Variants in DPY19L1 observed in about 807,000 individuals in gnomAD.
DPY19L1 encodes the protein dpy-19 like C-mannosyltransferase 1.
In DPY19L1, 35 loss-of-function variants were observed where a neutral mutation model predicts 96.9. The ratio of observed to expected loss-of-function variants is 0.36; its 90% CI spans 0.28 to 0.48. The LOEUF (loss-of-function observed/expected upper bound fraction) is 0.48, where lower values mean the gene tolerates loss of function less well. DPY19L1 is among the 20% of genes least tolerant of loss of function. The pLI is 0.99. For synonymous variants in DPY19L1, 205 were observed against 252.6 expected (o/e 0.81, Z 1.79); for missense variants, 521 against 777.9 (o/e 0.67, Z 3.93).
intron 7 of DPY19L1, among the ~76,000 whole-genome samples, chr7:34,985,656 C>T (rs1303095125): frequency 1.3e-5 from 2 of 151,726 alleles, no homozygotes; most frequent in Non-Finnish European, 2.9e-5. Context: ...AGGCTATTAT[C>T]AAAAAAGACA....
chr7:35,037,436 C>A lies in DPY19L1; in HGVS notation c.-42G>T. The A allele has an allele frequency of 3.2e-6, 1 of 316,716 alleles. No individual in the cohort carries two copies. Among genetic ancestry groups the A allele is most frequent in the Admixed American group, 5.0e-5 (1 of 19,974 alleles). 19.6% of individuals were successfully genotyped at this position (316,716 alleles called of 1,614,324 possible). ...CCGCTCGCTGCGCGCGCCCGGACGG[C>A]GGCCAGAGAACGGCGGGCTGGCTGG... On this transcript the variant is annotated 5_prime_UTR_variant, in exon 1 of 22. Transcript: ENST00000638088.
At chr7:34,939,471 G>A (rs1365159269) in intron 19 of DPY19L1, 96 bp from the exon 20 acceptor site, 14 of 1,004,320 alleles carry the variant, frequency 1.4e-5, no homozygotes, top group South Asian at 9.6e-5. Context: ...GTAACAGAGC[G>A]GAAGCCCAGC....
At chr7:34,984,955 G>A (rs1263226004) in intron 7 of DPY19L1, among the ~76,000 whole-genome samples, 1 of 152,096 alleles carries the variant, frequency 6.6e-6, no homozygotes, top group Non-Finnish European at 1.5e-5. Context: ...ACAAGGATAG[G>A]AGTCTTTGTT....
chr7:34,984,782 T>C (rs916403768), intron 7 of DPY19L1, among the ~76,000 whole-genome samples: 1 of 151,748 alleles, frequency 6.6e-6, no homozygotes, highest in Non-Finnish European at 1.5e-5. Context: ...CCACTCCAAA[T>C]AGACCCTATA....
chr7:34,944,578 G>T (rs944137129), intron 16 of DPY19L1, among the ~76,000 whole-genome samples: 1 of 151,930 alleles, frequency 6.6e-6, no homozygotes, highest in African/African-American at 2.4e-5. Context: ...AAATTTTAAA[G>T]AGAAGTATAA....
rs191364087 is a variant in DPY19L1 at position 34,953,566 on chromosome 7, G to A, written c.1320+1132C>T. 6.3e-3 allele frequency among the ~76,000 whole-genome samples: 954 copies of A among 152,128 alleles called. 7 individuals are homozygous for A. Among genetic ancestry groups the A allele is most frequent in the African/African-American group, 0.021 (880 of 41,508 alleles). On this transcript the variant is annotated intron_variant, in intron 13 of 21. Coordinates refer to ENST00000638088, the MANE Select transcript of DPY19L1 (RefSeq NM_001366673.1). ...TGTGTATTCCTGCAGCACTCTGTAC[G>A]TCATTTTTTATCATAGCCTTTATTA... is the stretch of plus-strand genomic sequence containing the variant.
rs765961420 is a variant in DPY19L1, at chr7:35,013,633, T to C, written c.484A>G (p.Asn162Asp). Residue 162 changes from asparagine to aspartate, a missense_variant, in exon 4 of 22, where the codon AAT becomes GAT. By Grantham distance (23) the Asn-to-Asp change is conservative. Coordinates refer to ENST00000638088, the MANE Select transcript of DPY19L1 (RefSeq NM_001366673.1). ...SFLNGVWMIM[N>D]DKLTEYPLVI... The stretch of plus-strand genomic sequence containing the variant: ...AGGGGGTATTCAGTCAGTTTATCAT[T>C]CATAATCATCCATACTCCATTCAAA... The C allele has an allele frequency of 6.2e-7, 1 of 1,608,738 alleles. No homozygotes were observed. Among genetic ancestry groups the C allele is most frequent in the Non-Finnish European group, 8.5e-7 (1 of 1,175,864 alleles).
intron 9 of DPY19L1, 135 bp from the exon 10 acceptor site, chr7:34,967,106 A>C: frequency 1.8e-6 from 1 of 560,058 alleles, no homozygotes. Context: ...TTTATCTGAC[A>C]ATTTATTATT....
At position 34,957,998 on chromosome 7, in the gene DPY19L1, A is replaced by C. The variant is rs1472391445; in HGVS notation, c.1165T>G (p.Leu389Val). ...MLLTSYYASS[L>V]VIIWGILAMK... Reference sequence around the variant, plus strand: ...GGAATACTTACCCAAATAATTACCAAAGAAGAAGCATAATAAGAAGTTAAT... The same window carrying C: ...GGAATACTTACCCAAATAATTACCACAGAAGAAGCATAATAAGAAGTTAAT... The change falls in exon 11 of 22, where the codon TTG becomes GTG. Residue 389 changes from leucine to valine, a missense_variant. By Grantham distance (32) the Leu-to-Val change is conservative. Transcript: ENST00000638088. The C allele has an allele frequency of 6.3e-7, 1 of 1,578,836 alleles. No individual in the cohort carries two copies.
chr7:34,979,538 A>T (rs992192820), intron 7 of DPY19L1, among the ~76,000 whole-genome samples: 3 of 152,212 alleles, frequency 2.0e-5, no homozygotes, highest in African/African-American at 4.8e-5. Context: ...ATAACTGGAG[A>T]AATACTGAAC....
chr7:35,024,002 A>C (rs1269862699), intron 1 of DPY19L1, among the ~76,000 whole-genome samples: 1 of 151,252 alleles, frequency 6.6e-6, no homozygotes, highest in Non-Finnish European at 1.5e-5. Flanking sequence ...CACCCGGCTA[A>C]TTTTTTGTAT....
intron 6 of DPY19L1, among the ~76,000 whole-genome samples, chr7:34,990,860 A>G (rs193187976): frequency 3.3e-4 from 50 of 152,296 alleles, no homozygotes; most frequent in African/African-American, 1.2e-3. Flanking sequence ...TTCTCTATCT[A>G]TAAGTATACC....
At chr7:34,960,572 T>C (rs1345580569) in intron 10 of DPY19L1, among the ~76,000 whole-genome samples, 1 of 152,202 alleles carries the variant, frequency 6.6e-6, no homozygotes, top group Non-Finnish European at 1.5e-5. Context: ...ATGATATTTT[T>C]ACATTTTCCT....
intron 14 of DPY19L1, 73 bp downstream of exon 14, chr7:34,949,724 A>G: frequency 1.1e-6 from 1 of 913,826 alleles, no homozygotes. Context: ...AGAGTCTGAT[A>G]TAAGAGGAGC....
At chr7:34,935,038 A>G (rs1045525142) in intron 21 of DPY19L1, among the ~76,000 whole-genome samples, 5 of 152,180 alleles carry the variant, frequency 3.3e-5, no homozygotes, top group Non-Finnish European at 5.9e-5. Flanking sequence ...CTTTTTGCAC[A>G]CCTTTGCTGA....
rs1378449229 is a variant in DPY19L1 at position 35,037,422 on chromosome 7, G to A, written c.-28C>T. Reference sequence around the variant, plus strand: ...TGGCATAGTCGCGCCCGCTCGCTGCGCGCGCCCGGACGGCGGCCAGAGAAC... The same window carrying A: ...TGGCATAGTCGCGCCCGCTCGCTGCACGCGCCCGGACGGCGGCCAGAGAAC... On this transcript the variant is annotated 5_prime_UTR_variant, in exon 1 of 22. Transcript: ENST00000638088. 2 of 325,490 alleles carry A rather than the reference G, an allele frequency of 6.1e-6. No individual in the cohort carries two copies. Among genetic ancestry groups the A allele is most frequent in the Non-Finnish European group, 1.1e-5 (2 of 178,752 alleles). The allele number at this position is 325,490 out of a possible 1,614,324, so 20.2% of individuals were successfully genotyped here.
At chr7:34,995,744 T>C (rs1443661437) in intron 6 of DPY19L1, among the ~76,000 whole-genome samples, 1 of 152,176 alleles carries the variant, frequency 6.6e-6, no homozygotes, top group African/African-American at 2.4e-5. Flanking sequence ...TTTCTTATTG[T>C]ATAAATGCTT....
intron 7 of DPY19L1, among the ~76,000 whole-genome samples, chr7:34,975,581 G>T (rs1027978912): frequency 6.6e-6 from 1 of 152,192 alleles, no homozygotes; most frequent in African/African-American, 2.4e-5. Context: ...AACTGAGGTA[G>T]GTTGCTGCAC....
In DPY19L1 at chr7:34,988,792, A is replaced by C. The variant is rs190410405; in HGVS notation, c.822+1092T>G. On this transcript the variant is annotated intron_variant, in intron 7 of 21. Transcript: ENST00000638088. ...AGACAGATGTATTAGAAATTCATTT[A>C]CAACTATGATTAATCTAGAAACGTT... Among the ~76,000 whole-genome samples the C allele has an allele frequency of 4.9e-3, 740 of 152,346 alleles. 3 individuals carry two copies. Among genetic ancestry groups the C allele is most frequent in the African/African-American group, 0.017 (693 of 41,576 alleles).
Sources: allele counts gnomAD v4.1 joint callset (sites outside exome capture counted in the v4.1 genomes callset), GRCh38; gene constraint gnomAD v4.1.1; transcripts MANE v1.5; gene names NCBI Gene and HGNC (gene_info 2026-07-23, HGNC 2026-07-21).